The following CABLES1 variants were observed in gnomAD, a reference collection of about 807,000 sequenced individuals.
CABLES1 encodes Cdk5 and Abl enzyme substrate 1, also known as CDK5 and ABL1 enzyme substrate 1.
Under a neutral mutation model 57.8 loss-of-function variants are expected in CABLES1, and 36 were observed. That is an observed-to-expected ratio of 0.62 (90% CI 0.48 to 0.82). The LOEUF (loss-of-function observed/expected upper bound fraction) is 0.82, where lower values mean the gene tolerates loss of function less well. CABLES1 is among the 40% of genes least tolerant of loss of function. The pLI is 0.00. For missense variants in CABLES1, 767 were observed against 836.6 expected (o/e 0.92, Z 1.03); for synonymous variants, 374 against 363.0 (o/e 1.03, Z -0.35).
intron 1 of CABLES1, among the ~76,000 whole-genome samples, chr18:23,161,752 TCCAAAAA>T (rs1467270259): frequency 1.5e-3 from 35 of 23,438 alleles, no homozygotes; most frequent in African/African-American, 4.1e-3. Context: ...CTACTAAAAA[TCCAAAAA>T]AAAAAAAAAA....
intron 7 of CABLES1, among the ~76,000 whole-genome samples, chr18:23,246,226 T>A (rs2047875765): frequency 6.7e-6 from 1 of 149,568 alleles, no homozygotes; most frequent in South Asian, 2.1e-4. Flanking sequence ...ATCACACCAC[T>A]GCACACTCCA....
chr18:23,235,348 C>T (rs55849148), intron 5 of CABLES1, among the ~76,000 whole-genome samples: 3,081 of 151,508 alleles, frequency 0.02, 104 homozygotes, highest in African/African-American at 0.071. Flanking sequence ...GTAGATAGAG[C>T]GCATGTGAGA....
chr18:23,150,313 A>G (rs372124832), intron 1 of CABLES1, among the ~76,000 whole-genome samples: 10 of 142,430 alleles, frequency 7.0e-5, no homozygotes, highest in African/African-American at 2.7e-4. Context: ...CGTTCATGCC[A>G]TTCTCCTGCC....
chr18:23,213,971 T>A lies in CABLES1; in HGVS notation c.1011-6T>A. 6.3e-7 allele frequency: 1 copy of A among 1,578,860 alleles called. No individual in the cohort carries two copies. The highest frequency in any genetic ancestry group is 8.6e-7 in the Non-Finnish European group (1 of 1,159,108). On this transcript the variant is annotated splice_polypyrimidine_tract_variant and splice_region_variant and intron_variant, in intron 3 of 9. Coordinates refer to ENST00000256925, the MANE Select transcript of CABLES1 (RefSeq NM_001100619.3). The stretch of plus-strand genomic sequence containing the variant: ...TTTGTTGTTTGTTCTTCTTTTTATT[T>A]TTTAGAATAGTCCTTATCAGTGGCA...
At chr18:23,190,405 G>A (rs745660603) in intron 2 of CABLES1, 1 of 152,198 alleles carries the variant, frequency 6.6e-6, no homozygotes, top group Non-Finnish European at 1.5e-5. Context: ...GAAGGAAACC[G>A]GGTGACTCGG....
chr18:23,138,731 A>G (rs1192344819), intron 1 of CABLES1, among the ~76,000 whole-genome samples: 1 of 151,808 alleles, frequency 6.6e-6, no homozygotes, highest in Non-Finnish European at 1.5e-5. Flanking sequence ...ATTTGTGGAA[A>G]CCTTTCCTGG....
intron 1 of CABLES1, among the ~76,000 whole-genome samples, chr18:23,176,517 C>T (rs2047124255): frequency 6.6e-6 from 1 of 152,096 alleles, no homozygotes; most frequent in East Asian, 1.9e-4. Context: ...TGCCATAAAC[C>T]CTTTATTTGG....
chr18:23,202,222 C>A (rs972704959), intron 3 of CABLES1, among the ~76,000 whole-genome samples: 1 of 152,088 alleles, frequency 6.6e-6, no homozygotes, highest in Non-Finnish European at 1.5e-5. Flanking sequence ...GTGGGCATTG[C>A]GGGTCATTTT....
intron 1 of CABLES1, among the ~76,000 whole-genome samples, chr18:23,185,111 A>G (rs1446635849): frequency 6.6e-6 from 1 of 152,220 alleles, no homozygotes; most frequent in Non-Finnish European, 1.5e-5. Context: ...TTATAACTGT[A>G]AAGAAAGGTA....
At chr18:23,238,107 TC>T (rs2047650720) in intron 7 of CABLES1, among the ~76,000 whole-genome samples, 1 of 152,234 alleles carries the variant, frequency 6.6e-6, no homozygotes, top group South Asian at 2.1e-4. Flanking sequence ...TCTGGTTCCC[TC>T]CCTCCTGTGC....
chr18:23,139,884 G>A (rs1373618616), intron 1 of CABLES1, among the ~76,000 whole-genome samples: 3 of 152,204 alleles, frequency 2.0e-5, no homozygotes, highest in Admixed American at 2.0e-4. Flanking sequence ...GGCTGTAAAT[G>A]TTTGTGTATT....
At chr18:23,242,047 G>A (rs551965622) in intron 7 of CABLES1, among the ~76,000 whole-genome samples, 2 of 152,242 alleles carry the variant, frequency 1.3e-5, no homozygotes, top group African/African-American at 4.8e-5. Context: ...AGGCCGAGGC[G>A]GGTGGATCAC....
At chr18:23,166,925 G>A (rs765670763) in intron 1 of CABLES1, among the ~76,000 whole-genome samples, 12 of 152,098 alleles carry the variant, frequency 7.9e-5, no homozygotes, top group Non-Finnish European at 1.5e-4. Context: ...TGTGATGCGC[G>A]TGATTTCTCT....
At chr18:23,253,646 A>C in intron 8 of CABLES1, 83 bp from the exon 9 acceptor site, 1 of 1,146,986 alleles carries the variant, frequency 8.7e-7, no homozygotes, top group Admixed American at 2.1e-5. Flanking sequence ...AAAGAGAAAA[A>C]GCATTCAAGA....
intron 9 of CABLES1, 113 bp from the exon 10 acceptor site, chr18:23,257,114 A>G: frequency 3.3e-6 from 4 of 1,213,286 alleles, no homozygotes; most frequent in Non-Finnish European, 4.7e-6. Context: ...GCTTTGCCCA[A>G]AGTGGATTTC....
At chr18:23,237,629 G>A (rs1481850903) in intron 7 of CABLES1, among the ~76,000 whole-genome samples, 1 of 152,256 alleles carries the variant, frequency 6.6e-6, no homozygotes, top group Non-Finnish European at 1.5e-5. Context: ...AGGCCTTCGT[G>A]TGCATGCTGA....
intron 1 of CABLES1, among the ~76,000 whole-genome samples, chr18:23,152,240 T>C (rs1271920836): frequency 3.3e-5 from 5 of 152,056 alleles, no homozygotes; most frequent in African/African-American, 1.2e-4. Flanking sequence ...AAAAAATTAA[T>C]GAATGAGCTA....
chr18:23,224,669 C>T (rs537468373), intron 4 of CABLES1, among the ~76,000 whole-genome samples: 2 of 147,454 alleles, frequency 1.4e-5, no homozygotes, highest in South Asian at 2.2e-4. Flanking sequence ...CCTGGGTTCA[C>T]GCCATTCTCC....
At chr18:23,220,084 G>A (rs545169618) in intron 4 of CABLES1, among the ~76,000 whole-genome samples, 49 of 152,158 alleles carry the variant, frequency 3.2e-4, no homozygotes, top group African/African-American at 1.1e-3. Context: ...ATAAGGGATC[G>A]GCCTCACAGT....
Sources: gnomAD v4.1 joint callset for allele counts (sites outside exome capture counted in the v4.1 genomes callset) on GRCh38, gnomAD v4.1.1 for gene constraint, MANE v1.5 for transcripts, NCBI Gene and HGNC (gene_info 2026-07-23, HGNC 2026-07-21) for gene names.